Variants in HERC6 observed in about 807,000 individuals in gnomAD.
HERC6 encodes the protein HECT and RLD domain containing E3 ubiquitin protein ligase family member 6, also known as probable E3 ubiquitin-protein ligase HERC6.
In HERC6, 101 loss-of-function variants were observed where a neutral mutation model predicts 114.5. The ratio of observed to expected loss-of-function variants is 0.88; its 90% CI spans 0.75 to 1.04. The LOEUF is 1.04. Ranked by LOEUF, HERC6 falls within the 50% of genes least tolerant of loss-of-function variation. The pLI is 0.00. For synonymous variants in HERC6, 408 were observed against 436.2 expected (o/e 0.94, Z 0.81); for missense variants, 1,133 against 1,230.9 (o/e 0.92, Z 1.19).
rs778687408 is a variant in HERC6 at position 88,393,569 on chromosome 4, C to T, written c.746C>T (p.Ala249Val). 53 of 1,606,692 alleles carry T rather than the reference C, an allele frequency of 3.3e-5. No individual in the cohort carries two copies. The highest frequency in any genetic ancestry group is 1.7e-4 in the Middle Eastern group (1 of 6,040). ...VYISCGDAHT[A>V]VLTQDGKVFT... ...ATCAGCTGTGGTGATGCACACACTGCGGTGCTTACCCAGGTAATCCAAAAC... is the reference window on the plus strand; with the variant it reads ...ATCAGCTGTGGTGATGCACACACTGTGGTGCTTACCCAGGTAATCCAAAAC... The change falls in exon 5 of 23, where the codon GCG (alanine) becomes GTG (valine). Residue 249 changes from alanine to valine, a missense_variant. Around this residue, in one of 3 missense-constraint regions of HERC6, gnomAD observed 735 missense variants for 754.0 expected, o/e 0.97. Transcript: ENST00000264346.
intron 16 of HERC6, among the ~76,000 whole-genome samples, chr4:88,430,663 G>A (rs978371050): frequency 6.6e-6 from 1 of 152,162 alleles, no homozygotes; most frequent in Non-Finnish European, 1.5e-5. Flanking sequence ...TGGGCAATCT[G>A]CTCTGCTGGT....
At position 88,379,016 on chromosome 4, in the gene HERC6, A is replaced by G. The variant is rs1734005951; in HGVS notation, c.95A>G (p.Glu32Gly). ...GAGCTACTGCAGGCGGCCAGCGGGG[A>G]GCGCCACTCTCTGCTGCTGCTGACC... Reference protein sequence around the residue: ...GAELLQAASGERHSLLLLTNH... With the variant: ...GAELLQAASGGRHSLLLLTNH... Residue 32 changes from glutamate (E) to glycine (G), a missense_variant, in exon 1 of 23, where the codon GAG becomes GGG. Coordinates refer to ENST00000264346, the MANE Select transcript of HERC6 (RefSeq NM_017912.4). 1.3e-6 allele frequency: 2 copies of G among 1,570,560 alleles called. No individual in the cohort carries two copies. Among genetic ancestry groups the G allele is most frequent in the Non-Finnish European group, 1.7e-6 (2 of 1,159,662 alleles).
intron 3 of HERC6, 114 bp downstream of exon 3, chr4:88,385,689 G>T (rs976482603): frequency 2.8e-5 from 17 of 599,156 alleles, no homozygotes; most frequent in Non-Finnish European, 2.0e-5. Context: ...CATTCCCCAG[G>T]TTTCATAAGA....
intron 16 of HERC6, among the ~76,000 whole-genome samples, chr4:88,430,502 G>A (rs1311572411): frequency 1.3e-5 from 2 of 151,890 alleles, no homozygotes; most frequent in Admixed American, 6.6e-5. Context: ...CCCAGGAGGT[G>A]GAGATTGCAG....
At chr4:88,422,317 AT>A (rs1385539878) in intron 13 of HERC6, among the ~76,000 whole-genome samples, 3 of 152,052 alleles carry the variant, frequency 2.0e-5, no homozygotes, top group Admixed American at 1.3e-4. Flanking sequence ...TTCTTTACTT[AT>A]TTCATTGGCT....
At position 88,424,581 on chromosome 4, in the gene HERC6, T is replaced by G; in HGVS notation, c.1828-14T>G. 6.5e-7 allele frequency: 1 copy of G among 1,531,370 alleles called. No homozygotes were observed. Among genetic ancestry groups the G allele is most frequent in the South Asian group, 1.2e-5 (1 of 86,624 alleles). The allele number at this position is 1,531,370 out of a possible 1,614,324, so 94.9% of individuals were successfully genotyped here. A position where few individuals can be genotyped will look rare whatever the true frequency, so the allele number is the denominator to read the frequency against. The stretch of plus-strand genomic sequence containing the variant: ...TTTTAATTATCAAAACTATTATCTC[T>G]GTTTATTTTTTAGATACCTGCAGAA... On this transcript the variant is annotated splice_polypyrimidine_tract_variant and intron_variant, in intron 14 of 22. Coordinates refer to ENST00000264346, the MANE Select transcript of HERC6 (RefSeq NM_017912.4).
chr4:88,424,093 T>C, intron 14 of HERC6, 120 bp downstream of exon 14: 1 of 556,390 alleles, frequency 1.8e-6, no homozygotes, highest in Non-Finnish European at 3.2e-6. Flanking sequence ...ATTGCAATGA[T>C]AAATTTGCTA....
At position 88,385,584 on chromosome 4, in the gene HERC6, C is replaced by T. The variant is rs779046186; in HGVS notation, c.436+9C>T. On this transcript the variant is annotated intron_variant, in intron 3 of 22. Transcript: ENST00000264346. ...CCTGGCATTATCAAAAGGTAAGAAACACTTTTTGGATCTGAGTGTGAGTAG... is the reference window on the plus strand; with the variant it reads ...CCTGGCATTATCAAAAGGTAAGAAATACTTTTTGGATCTGAGTGTGAGTAG... The T allele has an allele frequency of 1.4e-6, 2 of 1,444,854 alleles. No individual in the cohort carries two copies. Among genetic ancestry groups the T allele is most frequent in the Admixed American group, 5.5e-5 (2 of 36,642 alleles). The allele number at this position is 1,444,854 out of a possible 1,614,324, so 89.5% of individuals were successfully genotyped here.
At chr4:88,429,804 A>G (rs534986844) in intron 16 of HERC6, among the ~76,000 whole-genome samples, 1 of 152,362 alleles carries the variant, frequency 6.6e-6, no homozygotes, top group Non-Finnish European at 1.5e-5. Flanking sequence ...GTCTCCCTTC[A>G]TACCTATTTT....
rs1338144680 is a variant in HERC6, at chr4:88,383,369, T to C, written c.348T>C (p.Ser116=). ...GGATTGGAGAATTCAAGGAAATAAG[T>C]TTCACACCTAAGTAAGTGTTTCAAC... ...QLGIGEFKEI[S]FTPKKIMTLN... The change falls in exon 2 of 23, where the codon AGT becomes AGC. Residue 116 remains serine (S), a synonymous_variant. Coordinates refer to ENST00000264346, the MANE Select transcript of HERC6 (RefSeq NM_017912.4). The C allele has an allele frequency of 6.7e-7, 1 of 1,500,290 alleles. No homozygotes were observed. The highest frequency in any genetic ancestry group is 2.5e-5 in the Admixed American group (1 of 40,338). The allele number at this position is 1,500,290 out of a possible 1,614,324, so 92.9% of individuals were successfully genotyped here. A position where few individuals can be genotyped will look rare whatever the true frequency, so the allele number is the denominator to read the frequency against.
intron 13 of HERC6, among the ~76,000 whole-genome samples, chr4:88,417,961 A>T (rs1387835188): frequency 2.0e-5 from 3 of 147,466 alleles, no homozygotes; most frequent in Non-Finnish European, 4.5e-5. Flanking sequence ...AAAAAAAAAA[A>T]GTAAAGTACA....
Position 88,442,582 on chromosome 4 carries a change from G to T in HERC6, c.*122G>T, listed in dbSNP as rs1033681053. On this transcript the variant is annotated 3_prime_UTR_variant, in exon 23 of 23. Transcript: ENST00000264346. ...GAAGTAGTTGAGGGAGAGATTGGGG[G>T]AATGGGGAGATGATGATGATGGTCA... 6 of 766,786 alleles carry T rather than the reference G, an allele frequency of 7.8e-6. No individual in the cohort carries two copies. Among genetic ancestry groups the T allele is most frequent in the African/African-American group, 7.0e-5 (4 of 57,118 alleles). The allele number at this position is 766,786 out of a possible 1,614,324, so 47.5% of individuals were successfully genotyped here.
intron 7 of HERC6, among the ~76,000 whole-genome samples, chr4:88,397,539 A>G (rs1427769676): frequency 6.6e-6 from 1 of 151,994 alleles, no homozygotes; most frequent in Non-Finnish European, 1.5e-5. Flanking sequence ...TCTAGTAAAA[A>G]TATAAAAATT....
intron 1 of HERC6, among the ~76,000 whole-genome samples, chr4:88,380,751 A>G (rs926097245): frequency 2.6e-5 from 4 of 151,054 alleles, no homozygotes; most frequent in Non-Finnish European, 4.4e-5. Flanking sequence ...TATATTATAT[A>G]TGTGAGATAA....
At chr4:88,388,136 A>C (rs997846103) in intron 3 of HERC6, among the ~76,000 whole-genome samples, 2 of 149,388 alleles carry the variant, frequency 1.3e-5, no homozygotes, top group South Asian at 2.1e-4. Flanking sequence ...AGCTTAGATT[A>C]GATTTTTTTT....
intron 2 of HERC6, among the ~76,000 whole-genome samples, chr4:88,383,617 G>T (rs996054448): frequency 2.0e-5 from 3 of 151,718 alleles, no homozygotes; most frequent in Non-Finnish European, 4.4e-5. Flanking sequence ...AAGAAAATTA[G>T]CCGGGCATGG....
rs768413816 is a variant in HERC6, at chr4:88,379,026, TCTG to T, written c.115_117del (p.Leu39del). ...AGGCGGCCAGCGGGGAGCGCCACTC[TCTG>T]CTGCTGCTGACCAACCACAGGGTCC... On this transcript the variant is annotated inframe_deletion, in exon 1 of 23. Transcript: ENST00000264346. 4.5e-6 allele frequency: 7 copies of T among 1,567,228 alleles called. No individual in the cohort carries two copies. The highest frequency in any genetic ancestry group is 3.8e-5 in the Admixed American group (2 of 53,208).
intron 8 of HERC6, among the ~76,000 whole-genome samples, chr4:88,402,084 G>A (rs999060988): frequency 3.9e-5 from 6 of 152,182 alleles, no homozygotes; most frequent in Non-Finnish European, 8.8e-5. Context: ...ATGAATCATG[G>A]ACAAACAACA....
At chr4:88,401,722 C>T (rs1468310233) in intron 8 of HERC6, among the ~76,000 whole-genome samples, 2 of 152,120 alleles carry the variant, frequency 1.3e-5, no homozygotes, top group East Asian at 3.8e-4. Flanking sequence ...ACAAGGTCCC[C>T]ATCTGAGCAT....
Sources: allele counts gnomAD v4.1 joint callset (sites outside exome capture counted in the v4.1 genomes callset), GRCh38; gene constraint gnomAD v4.1.1; regional missense constraint gnomAD v4.1.1; transcripts MANE v1.5; gene names NCBI Gene and HGNC (gene_info 2026-07-23, HGNC 2026-07-21).